The following H1-8 variants were observed in gnomAD, a reference collection of about 807,000 sequenced individuals.
The protein encoded by H1-8 is histone H1.8.
H1-8 carries 13 observed loss-of-function variants against 19.5 expected under a neutral mutation model. The ratio of observed to expected loss-of-function variants is 0.67; its 90% confidence interval spans 0.43 to 1.06. The LOEUF (loss-of-function observed/expected upper bound fraction) is 1.06, where lower values mean the gene tolerates loss of function less well. Among genes scored for constraint, H1-8 ranks in the 50% least tolerant of loss-of-function variants. The pLI, the probability that H1-8 is intolerant of heterozygous loss-of-function variation, is 0.00. For missense variants in H1-8, 432 were observed against 459.8 expected (o/e 0.94, Z 0.55); for synonymous variants, 193 against 187.6 (o/e 1.03, Z -0.24).
At chr3:129,547,963 G>A (rs770710144) in intron 2 of H1-8, among the ~76,000 whole-genome samples, 12 of 152,206 alleles carry the variant, frequency 7.9e-5, no homozygotes, top group Non-Finnish European at 1.3e-4. Context: ...TCCTGGGCAC[G>A]TAGCCCCTTC....
intron 1 of H1-8, among the ~76,000 whole-genome samples, chr3:129,546,122 CAATAAT>C (rs56301839): frequency 0.078 from 10,837 of 139,136 alleles, 495 homozygotes; most frequent in Middle Eastern, 0.14. Flanking sequence ...ATAACAATAA[CAATAAT>C]AATAATAATA....
At chr3:129,547,034 C>A (rs890307131) in intron 1 of H1-8, among the ~76,000 whole-genome samples, 2 of 152,120 alleles carry the variant, frequency 1.3e-5, no homozygotes, top group African/African-American at 4.8e-5. Context: ...CTTGTCTCTA[C>A]TAAAAATACA....
At chr3:129,547,784 G>C (rs549817785) in intron 2 of H1-8, 104 bp downstream of exon 2, 1 of 1,077,168 alleles carries the variant, frequency 9.3e-7, no homozygotes, top group African/African-American at 1.6e-5. Context: ...CCGGTCCCCT[G>C]TCCTTGTTCC....
intron 3 of H1-8, 135 bp from the exon 4 acceptor site, chr3:129,550,610 G>T (rs1425135156): frequency 4.4e-6 from 3 of 687,768 alleles, no homozygotes; most frequent in African/African-American, 1.8e-5. Flanking sequence ...GTGGCTAAAT[G>T]ATTTGCCCCA....
intron 1 of H1-8, 25 bp from the exon 2 acceptor site, chr3:129,547,366 G>C: frequency 1.4e-6 from 2 of 1,470,254 alleles, no homozygotes; most frequent in Non-Finnish European, 1.8e-6. Context: ...TGGGCCCCGG[G>C]TGATGGCCTG....
At position 129,543,314 on chromosome 3, in the gene H1-8, A is replaced by G. The variant is rs373252861; in HGVS notation, c.88+8A>G. The G allele has an allele frequency of 1.9e-6, 3 of 1,605,868 alleles. No homozygotes were observed. The African/African-American group carries it at 4.0e-5, about 21-fold the overall frequency. ...CTGAATCTGAAAAGCCAGGTGAGCA[A>G]GAGGAGGCAGCTCCTCCCTCATCCC... is the stretch of plus-strand genomic sequence containing the variant. On this transcript the variant is annotated splice_region_variant and intron_variant, in intron 1 of 4. Transcript: ENST00000324382.
At chr3:129,548,688 T>A (rs1365527250) in intron 2 of H1-8, among the ~76,000 whole-genome samples, 1 of 149,796 alleles carries the variant, frequency 6.7e-6, no homozygotes, top group East Asian at 2.5e-4. Flanking sequence ...CTGCTGAGCG[T>A]CAAGGGGCGA....
chr3:129,550,569 C>G (rs1320762516), intron 3 of H1-8, among the ~76,000 whole-genome samples, 176 bp from the exon 4 acceptor site: 1 of 152,184 alleles, frequency 6.6e-6, no homozygotes, highest in Non-Finnish European at 1.5e-5. Context: ...CTATTATTCC[C>G]AGTCTTCAAA....
At chr3:129,550,604 C>A in intron 3 of H1-8, 141 bp from the exon 4 acceptor site, 1 of 669,272 alleles carries the variant, frequency 1.5e-6, no homozygotes, top group East Asian at 2.7e-5. Flanking sequence ...CTCAGAGTGG[C>A]TAAATGATTT....
chr3:129,550,960 C>T lies in H1-8; in HGVS notation c.808-147C>T. ...ACAGTCCACCACCTTCTCTCTGGTC[C>T]CCTGGCACCCTGGGGGTGTTGCCAT... On this transcript the variant is annotated intron_variant, in intron 4 of 4. Coordinates refer to ENST00000324382, the MANE Select transcript of H1-8 (RefSeq NM_153833.3). 4.3e-6 allele frequency: 4 copies of T among 933,894 alleles called. No individual in the cohort carries two copies. The South Asian group carries it at 6.4e-5, about 15-fold the overall frequency. The allele number at this position is 933,894 out of a possible 1,614,324, so 57.9% of individuals were successfully genotyped here. A position where few individuals can be genotyped will look rare whatever the true frequency, so the allele number is the denominator to read the frequency against.
intron 1 of H1-8, among the ~76,000 whole-genome samples, chr3:129,545,953 G>A (rs1042135952): frequency 6.6e-6 from 1 of 152,002 alleles, no homozygotes; most frequent in African/African-American, 2.4e-5. Flanking sequence ...ATATACCGAA[G>A]AGTGGAATTT....
In H1-8 at chr3:129,551,346, G is replaced by C. The variant is rs2084931466; in HGVS notation, c.*6G>C. 1 of 1,600,434 alleles carries C rather than the reference G, an allele frequency of 6.2e-7. No individual in the cohort carries two copies. The highest frequency in any genetic ancestry group is 1.3e-5 in the African/African-American group (1 of 74,488). On this transcript the variant is annotated 3_prime_UTR_variant, in exon 5 of 5. Transcript: ENST00000324382. ...GCCAGAGGGCTGAAGCTTAGGGCCA[G>C]AGGCAGGGGCGGAGAGAGACCGAGC...
chr3:129,550,726 C>A lies in H1-8; in HGVS notation c.743-19C>A. 1 of 1,612,160 alleles carries A rather than the reference C, an allele frequency of 6.2e-7. No homozygotes were observed. Among genetic ancestry groups the A allele is most frequent in the Non-Finnish European group, 8.5e-7 (1 of 1,178,250 alleles). ...GTTCCTCCTTCTTCCCCTATAAAAC[C>A]TCCTCCATCAAATTCCAGGAGATGC... is the stretch of plus-strand genomic sequence containing the variant. On this transcript the variant is annotated intron_variant, in intron 3 of 4. Coordinates refer to ENST00000324382, the MANE Select transcript of H1-8 (RefSeq NM_153833.3).
chr3:129,551,080 C>G (rs768501127), intron 4 of H1-8, 27 bp from the exon 5 acceptor site: 1 of 1,596,438 alleles, frequency 6.3e-7, no homozygotes, highest in Admixed American at 1.7e-5. Flanking sequence ...CCAGCTGTCT[C>G]TTTGCTCCTG....
chr3:129,547,712 G>T, intron 2 of H1-8, 32 bp downstream of exon 2: 1 of 1,511,216 alleles, frequency 6.6e-7, no homozygotes, highest in South Asian at 1.2e-5. Context: ...CATAGCCCAG[G>T]GTTGGAGCAA....
intron 3 of H1-8, among the ~76,000 whole-genome samples, chr3:129,549,676 G>A (rs988388903): frequency 3.9e-5 from 6 of 151,918 alleles, no homozygotes; most frequent in South Asian, 2.1e-4. Flanking sequence ...TTTTTAGGCC[G>A]GGCATGGTGG....
In H1-8 at chr3:129,551,117, G is replaced by C; in HGVS notation, c.818G>C (p.Gly273Ala). Residue 273 changes from glycine (G) to alanine (A), a missense_variant, in exon 5 of 5, where the codon GGT (glycine) becomes GCT (alanine). Transcript: ENST00000324382. ...SKPTASKVKNGAASPTKKKVV... is the reference protein window; with the variant it reads ...SKPTASKVKNAAASPTKKKVV... The stretch of plus-strand genomic sequence containing the variant: ...TTTGCTTTCGTATAGGTCAAGAATG[G>C]TGCTGCTTCCCCGACCAAAAAGAAG... 6.2e-7 allele frequency: 1 copy of C among 1,613,490 alleles called. No individual in the cohort carries two copies. Among genetic ancestry groups the C allele is most frequent in the Non-Finnish European group, 8.5e-7 (1 of 1,179,884 alleles).
intron 4 of H1-8, 49 bp downstream of exon 4, chr3:129,550,858 C>A (rs764292620): frequency 6.5e-7 from 1 of 1,526,812 alleles, no homozygotes; most frequent in Non-Finnish European, 9.0e-7. Flanking sequence ...CCTGAACAGG[C>A]CAGAGCTTGG....
At chr3:129,548,406 G>A (rs1175809268) in intron 2 of H1-8, 5 of 986,642 alleles carry the variant, frequency 5.1e-6, no homozygotes, top group East Asian at 1.1e-4. Flanking sequence ...AGGACCAGGC[G>A]GCTAAGCAGG....
Sources: gnomAD v4.1 joint callset for allele counts (sites outside exome capture counted in the v4.1 genomes callset) on GRCh38, gnomAD v4.1.1 for gene constraint, MANE v1.5 for transcripts, NCBI Gene and HGNC (gene_info 2026-07-23, HGNC 2026-07-21) for gene names.